STAC3: variants seen among roughly 807,000 people sequenced by gnomAD.
STAC3 encodes the protein SH3 and cysteine rich domain 3.
Under a neutral mutation model 48.5 loss-of-function variants are expected in STAC3, and 30 were observed. The ratio of observed to expected loss-of-function variants is 0.62; its 90% CI spans 0.46 to 0.84. STAC3 has a LOEUF of 0.84. Among genes scored for constraint, STAC3 ranks in the 40% least tolerant of loss-of-function variants. The pLI, the probability that STAC3 is intolerant of heterozygous loss-of-function variation, is 0.00. For synonymous variants in STAC3, 144 were observed against 158.6 expected (o/e 0.91, Z 0.69); for missense variants, 419 against 462.6 (o/e 0.91, Z 0.86).
chr12:57,248,488 C>T (rs1391778074), intron 4 of STAC3: 3 of 591,994 alleles, frequency 5.1e-6, no homozygotes, highest in Non-Finnish European at 9.1e-6. Context: ...ACGCCATTCT[C>T]CTGCCTCAGC....
At chr12:57,248,291 GA>G in intron 4 of STAC3, 93 bp from the exon 5 acceptor site, 1 of 1,012,876 alleles carries the variant, frequency 9.9e-7, no homozygotes, top group Non-Finnish European at 1.6e-6. Context: ...CTCAGAAAAA[GA>G]GATGGGCTGA....
In STAC3 at chr12:57,244,600, T is replaced by A. The variant is rs2037687148; in HGVS notation, c.743A>T (p.Gln248Leu). The change falls in exon 9 of 12, where the codon CAG (glutamine) becomes CTG (leucine). Residue 248 changes from glutamine (Q) to leucine (L), a missense_variant. Gln to Leu is a moderately radical substitution (Grantham distance 113, BLOSUM62 -2). Coordinates refer to ENST00000332782, the MANE Select transcript of STAC3 (RefSeq NM_145064.3). ...DDKHKQPGFQ[Q>L]SHYFVALYRF... ...ATAGAGAGCCACAAAGTAATGAGAC[T>A]GCTGGAAGCCAGGCTGCTTGTGCTG... 6.2e-7 allele frequency: 1 copy of A among 1,614,252 alleles called. No homozygotes were observed. Among genetic ancestry groups the A allele is most frequent in the Non-Finnish European group, 8.5e-7 (1 of 1,180,042 alleles).
At chr12:57,245,375 C>CTTTT (rs374655952) in intron 6 of STAC3, among the ~76,000 whole-genome samples, 164 bp from the exon 7 acceptor site, 13 of 144,016 alleles carry the variant, frequency 9.0e-5, no homozygotes, top group African/African-American at 3.3e-4. Context: ...AATGCAGGAA[C>CTTTT]TTTTTTTTTT....
chr12:57,244,599 C>T lies in STAC3; in HGVS notation c.744G>A (p.Gln248=). The change falls in exon 9 of 12, where the codon CAG becomes CAA. Residue 248 remains glutamine, a synonymous_variant. Transcript: ENST00000332782. ...DDKHKQPGFQ[Q]SHYFVALYRF... The stretch of plus-strand genomic sequence containing the variant: ...GATAGAGAGCCACAAAGTAATGAGA[C>T]TGCTGGAAGCCAGGCTGCTTGTGCT... 6.2e-7 allele frequency: 1 copy of T among 1,614,238 alleles called. No individual in the cohort carries two copies. The highest frequency in any genetic ancestry group is 8.5e-7 in the Non-Finnish European group (1 of 1,180,048).
At chr12:57,244,489 T>C in intron 9 of STAC3, 48 bp downstream of exon 9, 1 of 1,613,354 alleles carries the variant, frequency 6.2e-7, no homozygotes, top group Non-Finnish European at 8.5e-7. Context: ...AACCCAGCTC[T>C]TTCCTCTTCA....
At chr12:57,248,255 A>T in intron 4 of STAC3, 57 bp from the exon 5 acceptor site, 1 of 1,402,226 alleles carries the variant, frequency 7.1e-7, no homozygotes, top group African/African-American at 1.4e-5. Flanking sequence ...CCAGAAGCCT[A>T]TCTCTCCCAG....
At chr12:57,246,163 A>G (rs1484873568) in intron 6 of STAC3, among the ~76,000 whole-genome samples, 1 of 152,010 alleles carries the variant, frequency 6.6e-6, no homozygotes, top group African/African-American at 2.4e-5. Flanking sequence ...TTCCCTTAAA[A>G]GAATATAACC....
intron 2 of STAC3, 129 bp from the exon 3 acceptor site, chr12:57,249,437 T>C: frequency 6.7e-7 from 1 of 1,482,270 alleles, no homozygotes; most frequent in Non-Finnish European, 9.1e-7. Flanking sequence ...ATTAGGGGGG[T>C]ATTGGTATTG....
intron 1 of STAC3, among the ~76,000 whole-genome samples, chr12:57,250,297 G>A (rs1215081828): frequency 2.0e-5 from 3 of 146,474 alleles, no homozygotes; most frequent in Non-Finnish European, 4.5e-5. Flanking sequence ...AGCTGAGGAA[G>A]GATAATCGCT....
chr12:57,249,783 T>A (rs1379536527), intron 1 of STAC3, 146 bp from the exon 2 acceptor site: 1 of 802,172 alleles, frequency 1.2e-6, no homozygotes, highest in African/African-American at 1.7e-5. Flanking sequence ...TGAGATGGGG[T>A]CTCACTCTGT....
rs373770293 is a variant in STAC3, at chr12:57,245,024, A to G, written c.671-59T>C. On this transcript the variant is annotated intron_variant, in intron 7 of 11. Coordinates refer to ENST00000332782, the MANE Select transcript of STAC3 (RefSeq NM_145064.3). Reference sequence around the variant, plus strand: ...CCTGGAGGGCAATTCTTATTCTCTTACCCTTTTGTGGAAGGGCCTCGTCTA... The same window carrying G: ...CCTGGAGGGCAATTCTTATTCTCTTGCCCTTTTGTGGAAGGGCCTCGTCTA... 6.8e-6 allele frequency: 11 copies of G among 1,607,990 alleles called. No homozygotes were observed. In the East Asian group the frequency reaches 1.1e-4, roughly 16 times the overall value.
intron 3 of STAC3, 63 bp downstream of exon 3, chr12:57,248,978 A>G (rs2037832731): frequency 5.8e-6 from 9 of 1,562,284 alleles, no homozygotes; most frequent in Non-Finnish European, 7.8e-6. Context: ...CTCCTCTCCT[A>G]TGCCCTCTCC....
rs532954711 is a variant in STAC3 at position 57,244,718 on chromosome 12, T to A, written c.721-96A>T. On this transcript the variant is annotated intron_variant, in intron 8 of 11. Transcript: ENST00000332782. Reference sequence around the variant, plus strand: ...GGGACATTCACCACACACTCTACACTCCAACTCTCTTCTAGGTCCCTGAAC... The same window carrying A: ...GGGACATTCACCACACACTCTACACACCAACTCTCTTCTAGGTCCCTGAAC... 7.3e-5 allele frequency: 107 copies of A among 1,472,692 alleles called. No individual in the cohort carries two copies. In the African/African-American group the frequency reaches 1.0e-3, roughly 14 times the overall value. The allele number at this position is 1,472,692 out of a possible 1,614,324, so 91.2% of individuals were successfully genotyped here. A position where few individuals can be genotyped will look rare whatever the true frequency, so the allele number is the denominator to read the frequency against.
At chr12:57,245,506 G>A (rs1164722631) in intron 6 of STAC3, among the ~76,000 whole-genome samples, 1 of 151,992 alleles carries the variant, frequency 6.6e-6, no homozygotes, top group African/African-American at 2.4e-5. Flanking sequence ...GAGTAGCTGG[G>A]ACTACAGGCG....
intron 4 of STAC3, 45 bp from the exon 5 acceptor site, chr12:57,248,243 G>A (rs1410184264): frequency 3.4e-6 from 5 of 1,489,534 alleles, no homozygotes; most frequent in Non-Finnish European, 3.7e-6. Flanking sequence ...GCAAAGTAAG[G>A]TCCAGAAGCC....
rs754530968 is a variant in STAC3 at position 57,244,232 on chromosome 12, A to AAGAT, written c.859-11_859-8dup. The AAGAT allele has an allele frequency of 3.7e-5, 59 of 1,614,046 alleles. No individual in the cohort carries two copies. The highest frequency in any genetic ancestry group is 4.7e-5 in the Non-Finnish European group (56 of 1,180,026). On this transcript the variant is annotated splice_polypyrimidine_tract_variant and splice_region_variant and intron_variant, in intron 10 of 11. Coordinates refer to ENST00000332782, the MANE Select transcript of STAC3 (RefSeq NM_145064.3). ...CCTTCTCCCCGATTTTCCCCTAGGG[A>AAGAT]AGATAGTAGGGAGAGTCCATCTCTC...
intron 6 of STAC3, among the ~76,000 whole-genome samples, 162 bp from the exon 7 acceptor site, chr12:57,245,373 A>C (rs1016873124): frequency 1.3e-5 from 2 of 149,526 alleles, no homozygotes; most frequent in Non-Finnish European, 2.9e-5. Flanking sequence ...CTAATGCAGG[A>C]ACTTTTTTTT....
chr12:57,244,014 T>C, intron 11 of STAC3, 74 bp downstream of exon 11: 1 of 1,610,718 alleles, frequency 6.2e-7, no homozygotes, highest in South Asian at 1.1e-5. Flanking sequence ...GTCTTATTAA[T>C]GGTTAAGCTC....
chr12:57,248,377 CTTTTTT>C (rs113333044), intron 4 of STAC3, 179 bp from the exon 5 acceptor site: 93 of 452,238 alleles, frequency 2.1e-4, no homozygotes, highest in East Asian at 3.9e-4. Flanking sequence ...CATGTCCCCT[CTTTTTT>C]TTTTTTTTTT....
Sources: gnomAD v4.1 joint callset for allele counts (sites outside exome capture counted in the v4.1 genomes callset) on GRCh38, gnomAD v4.1.1 for gene constraint, MANE v1.5 for transcripts, NCBI Gene and HGNC (gene_info 2026-07-23, HGNC 2026-07-21) for gene names.